Variants in ZNF292 observed in about 807,000 individuals in gnomAD.
ZNF292 encodes zinc finger protein 292, also known as 16 zinc-finger domain protein.
Under a neutral mutation model 217.9 loss-of-function variants are expected in ZNF292, and 26 were observed. The observed-to-expected ratio is 0.12, with a 90% CI of 0.09 to 0.17. The LOEUF is 0.17. Ranked by LOEUF, ZNF292 falls within the 10% of genes least tolerant of loss-of-function variation. The pLI, the probability that ZNF292 is intolerant of heterozygous loss-of-function variation, is 1.00. For synonymous variants in ZNF292, 1,257 were observed against 1,124.1 expected, an observed-to-expected ratio of 1.12 and a Z score of -2.37; for missense variants, 2,904 against 3,175.2, an observed-to-expected ratio of 0.91 and a Z score of 2.05.
intron 1 of ZNF292, among the ~76,000 whole-genome samples, chr6:87,156,300 G>A (rs1770536856): frequency 6.6e-6 from 1 of 152,206 alleles, no homozygotes; most frequent in African/African-American, 2.4e-5. Context: ...GACTGAAGGG[G>A]CCTTTGTTGA....
chr6:87,242,064 T>TA (rs1187499442), intron 5 of ZNF292, among the ~76,000 whole-genome samples: 1 of 152,238 alleles, frequency 6.6e-6, no homozygotes, highest in Non-Finnish European at 1.5e-5. Flanking sequence ...GTGGGAAAGT[T>TA]ACGATTAATA....
intron 1 of ZNF292, among the ~76,000 whole-genome samples, chr6:87,185,279 C>T (rs1434919575): frequency 6.6e-6 from 1 of 152,112 alleles, no homozygotes; most frequent in Non-Finnish European, 1.5e-5. Flanking sequence ...CCCCAGAATT[C>T]GACTGTCAGG....
At chr6:87,217,275 A>T (rs1772836098) in intron 3 of ZNF292, among the ~76,000 whole-genome samples, 1 of 152,082 alleles carries the variant, frequency 6.6e-6, no homozygotes, top group East Asian at 1.9e-4. Context: ...ATTAAAATCT[A>T]CATCAAGTGC....
intron 4 of ZNF292, chr6:87,223,140 G>A: frequency 5.9e-6 from 1 of 168,594 alleles, no homozygotes; most frequent in Non-Finnish European, 1.3e-5. Context: ...GAGTGCAGTG[G>A]CATAATCCCA....
At chr6:87,187,018 G>A (rs1013370532) in intron 1 of ZNF292, among the ~76,000 whole-genome samples, 2 of 152,144 alleles carry the variant, frequency 1.3e-5, no homozygotes, top group African/African-American at 4.8e-5. Context: ...GACTATAGTT[G>A]TATATCATTC....
intron 7 of ZNF292, among the ~76,000 whole-genome samples, chr6:87,250,469 A>G (rs1158751845): frequency 6.6e-6 from 1 of 152,152 alleles, no homozygotes; most frequent in African/African-American, 2.4e-5. Flanking sequence ...GGAAAAAAAA[A>G]TTCTATAGAG....
intron 1 of ZNF292, among the ~76,000 whole-genome samples, chr6:87,162,738 C>T (rs766599803): frequency 9.9e-5 from 15 of 152,152 alleles, no homozygotes; most frequent in Non-Finnish European, 2.1e-4. Context: ...TGCAGCTGTA[C>T]TTCATAACAT....
At chr6:87,166,633 G>T (rs1770925558) in intron 1 of ZNF292, among the ~76,000 whole-genome samples, 1 of 152,120 alleles carries the variant, frequency 6.6e-6, no homozygotes, top group African/African-American at 2.4e-5. Flanking sequence ...AGTTACTTTT[G>T]ACTTCTGTCA....
chr6:87,239,548 C>CTCCCTGATGGGGCGGCT (rs1774122768), intron 5 of ZNF292, among the ~76,000 whole-genome samples: 1 of 144,144 alleles, frequency 6.9e-6, no homozygotes, highest in Non-Finnish European at 1.5e-5. Context: ...CCCCACCTCC[C>CTCCCTGATGGGGCGGCT]GGACAGGGCG....
chr6:87,175,950 C>G (rs1427516642), intron 1 of ZNF292, among the ~76,000 whole-genome samples: 1 of 152,106 alleles, frequency 6.6e-6, no homozygotes, highest in African/African-American at 2.4e-5. Context: ...ACACTACGCT[C>G]CTGGTTCTAC....
At position 87,258,036 on chromosome 6, in the gene ZNF292, A is replaced by G. The variant is rs41273275; in HGVS notation, c.4407A>G (p.Thr1469=). Residue 1469 remains threonine (T), a synonymous_variant, in exon 8 of 8, where the codon ACA becomes ACG. Transcript: ENST00000369577. ...GCTCGCCAGCATTTTTACCAAATAC[A>G]TTTCCTCGATCTGGTGTGACTAACT... ...ENRSPAFLPN[T]FPRSGVTNFN... The G allele has an allele frequency of 1.4e-3, 2,246 of 1,613,798 alleles. 3 individuals are homozygous for G. Among genetic ancestry groups the G allele is most frequent in the Non-Finnish European group, 1.8e-3 (2,135 of 1,179,806 alleles).
rs1775736940 is a variant in ZNF292, at chr6:87,264,080, A to AG, written c.*2279_*2280insG. 1.3e-5 allele frequency: 2 copies of AG among 152,132 alleles called. No homozygotes were observed. The highest frequency in any genetic ancestry group is 6.5e-5 in the Admixed American group (1 of 15,288). The allele number at this position is 152,132 out of a possible 1,614,324, so 9.4% of individuals were successfully genotyped here. A position where few individuals can be genotyped will look rare whatever the true frequency, so the allele number is the denominator to read the frequency against. On this transcript the variant is annotated 3_prime_UTR_variant, in exon 8 of 8. Transcript: ENST00000369577. ...GAGTGGGCTTTTTAGCATGAAACAA[A>AG]AAAAATCAAACTATGGTAAAAAGAC...
At position 87,221,045 on chromosome 6, in the gene ZNF292, TA is replaced by T. The variant is rs1773061027; in HGVS notation, c.538+2315del. ...TGAAGCCTTTGAAGTTTTGATGTAGTATTTGAACAGTGACTAATCTGATTAA... is the reference window on the plus strand; with the variant it reads ...TGAAGCCTTTGAAGTTTTGATGTAGTTTTGAACAGTGACTAATCTGATTAA... On this transcript the variant is annotated intron_variant, in intron 4 of 7. Transcript: ENST00000369577. 2.0e-5 allele frequency among the ~76,000 whole-genome samples: 3 copies of T among 152,346 alleles called. No homozygotes were observed. In the East Asian group the frequency reaches 5.8e-4, roughly 29 times the overall value.
At chr6:87,226,649 A>G (rs1773361133) in intron 4 of ZNF292, among the ~76,000 whole-genome samples, 1 of 102,964 alleles carries the variant, frequency 9.7e-6, no homozygotes, top group African/African-American at 4.9e-5. Context: ...CTATATATCT[A>G]TATATATATA....
At chr6:87,253,535 T>A (rs995654259) in intron 7 of ZNF292, among the ~76,000 whole-genome samples, 4 of 152,144 alleles carry the variant, frequency 2.6e-5, no homozygotes, top group Admixed American at 2.0e-4. Context: ...CAGCCTAACC[T>A]ATCATTTTAA....
chr6:87,179,727 TG>T (rs1395440744), intron 1 of ZNF292, among the ~76,000 whole-genome samples: 2 of 152,194 alleles, frequency 1.3e-5, no homozygotes, highest in African/African-American at 4.8e-5. Context: ...TGTACTTCAG[TG>T]TACATCCTCT....
intron 5 of ZNF292, among the ~76,000 whole-genome samples, chr6:87,241,235 G>A (rs1774269019): frequency 6.6e-6 from 1 of 152,122 alleles, no homozygotes; most frequent in South Asian, 2.1e-4. Flanking sequence ...AGTGAGCTGA[G>A]ATGGCACCAC....
intron 1 of ZNF292, among the ~76,000 whole-genome samples, chr6:87,160,287 G>T (rs989036783): frequency 1.3e-5 from 2 of 152,156 alleles, no homozygotes; most frequent in Non-Finnish European, 2.9e-5. Flanking sequence ...ATAATAGTTC[G>T]TTGGAAAAAT....
At chr6:87,159,983 A>T (rs1365509023) in intron 1 of ZNF292, among the ~76,000 whole-genome samples, 5 of 152,238 alleles carry the variant, frequency 3.3e-5, no homozygotes, top group Non-Finnish European at 7.3e-5. Flanking sequence ...TGTATTTATT[A>T]TACAAAAATT....
Sources: allele counts gnomAD v4.1 joint callset (sites outside exome capture counted in the v4.1 genomes callset), GRCh38; gene constraint gnomAD v4.1.1; transcripts MANE v1.5; gene names NCBI Gene and HGNC (gene_info 2026-07-23, HGNC 2026-07-21).